Variants in ZMAT4 observed in about 807,000 individuals in gnomAD.
The protein encoded by ZMAT4 is zinc finger matrin-type protein 4.
Under a neutral mutation model 28.7 loss-of-function variants are expected in ZMAT4, and 17 were observed. The observed-to-expected ratio is 0.59, with a 90% CI of 0.41 to 0.89. ZMAT4 has a LOEUF of 0.89. Ranked by LOEUF, ZMAT4 falls within the 40% of genes least tolerant of loss-of-function variation. The pLI is 0.00. For missense variants in ZMAT4, 240 were observed against 283.8 expected (o/e 0.85, Z 1.11); for synonymous variants, 117 against 109.2 (o/e 1.07, Z -0.44).
chr8:40,588,782 T>C (rs570108595), intron 5 of ZMAT4, among the ~76,000 whole-genome samples: 1 of 152,264 alleles, frequency 6.6e-6, no homozygotes, highest in African/African-American at 2.4e-5. Context: ...ATTCTACTCC[T>C]AGATATTTAC....
intron 1 of ZMAT4, among the ~76,000 whole-genome samples, chr8:40,886,909 C>T (rs1023413412): frequency 4.3e-4 from 65 of 152,290 alleles, no homozygotes; most frequent in African/African-American, 1.2e-3. Context: ...CAGTGGCTCA[C>T]GCCTATAATC....
chr8:40,824,507 C>A, intron 2 of ZMAT4, among the ~76,000 whole-genome samples: 1 of 152,012 alleles, frequency 6.6e-6, no homozygotes, highest in African/African-American at 2.4e-5. Flanking sequence ...CATGTTCCTA[C>A]TAGTATATGT....
chr8:40,607,612 C>T (rs1470340303), intron 5 of ZMAT4, among the ~76,000 whole-genome samples: 1 of 152,044 alleles, frequency 6.6e-6, no homozygotes, highest in Admixed American at 6.5e-5. Context: ...CTTGTTTAGT[C>T]ATATTACCAG....
At chr8:40,624,990 T>C (rs1806318990) in intron 5 of ZMAT4, among the ~76,000 whole-genome samples, 1 of 152,084 alleles carries the variant, frequency 6.6e-6, no homozygotes, top group Non-Finnish European at 1.5e-5. Flanking sequence ...GGAATTAAGG[T>C]GATGTGGTAA....
At chr8:40,869,413 T>C (rs922696320) in intron 1 of ZMAT4, among the ~76,000 whole-genome samples, 2 of 152,228 alleles carry the variant, frequency 1.3e-5, no homozygotes, top group East Asian at 1.9e-4. Context: ...AACATAATGC[T>C]GGGCTTTGGT....
intron 5 of ZMAT4, among the ~76,000 whole-genome samples, chr8:40,629,480 T>C (rs1340994803): frequency 2.0e-5 from 3 of 151,794 alleles, no homozygotes; most frequent in Non-Finnish European, 4.4e-5. Flanking sequence ...TATGTATACA[T>C]GTGCCATGTT....
At chr8:40,657,404 C>T (rs1173261487) in intron 5 of ZMAT4, among the ~76,000 whole-genome samples, 1 of 151,930 alleles carries the variant, frequency 6.6e-6, no homozygotes, top group Non-Finnish European at 1.5e-5. Flanking sequence ...TTAAAAATGT[C>T]ATTATTACAC....
At chr8:40,611,300 T>C (rs1468805953) in intron 5 of ZMAT4, among the ~76,000 whole-genome samples, 1 of 152,228 alleles carries the variant, frequency 6.6e-6, no homozygotes, top group East Asian at 1.9e-4. Context: ...TCATTAATTG[T>C]TTCTGCCTGG....
intron 3 of ZMAT4, among the ~76,000 whole-genome samples, chr8:40,739,736 T>C (rs1015883081): frequency 2.6e-5 from 4 of 152,276 alleles, no homozygotes; most frequent in African/African-American, 9.6e-5. Context: ...CCATCAACCC[T>C]TCGTGTAGGT....
At chr8:40,814,160 G>A (rs1227494316) in intron 2 of ZMAT4, among the ~76,000 whole-genome samples, 1 of 152,202 alleles carries the variant, frequency 6.6e-6, no homozygotes, top group Non-Finnish European at 1.5e-5. Flanking sequence ...AATCATCTTA[G>A]TATAGAAGAC....
intron 4 of ZMAT4, among the ~76,000 whole-genome samples, chr8:40,685,211 C>A (rs1300423872): frequency 6.6e-6 from 1 of 152,054 alleles, no homozygotes; most frequent in Non-Finnish European, 1.5e-5. Flanking sequence ...CTACTCTGCT[C>A]CATCATGTCA....
chr8:40,539,452 C>T (rs1802955996), intron 6 of ZMAT4, among the ~76,000 whole-genome samples: 2 of 152,186 alleles, frequency 1.3e-5, no homozygotes, highest in African/African-American at 4.8e-5. Flanking sequence ...TCTCCTCCTA[C>T]TATTCTTGTA....
chr8:40,688,627 GAA>G (rs1809526432), intron 4 of ZMAT4, among the ~76,000 whole-genome samples: 2 of 152,152 alleles, frequency 1.3e-5, no homozygotes, highest in South Asian at 4.2e-4. Flanking sequence ...AACAATAGAA[GAA>G]AATCACTTAG....
intron 4 of ZMAT4, among the ~76,000 whole-genome samples, chr8:40,687,084 G>A (rs1334644815): frequency 6.6e-6 from 1 of 152,166 alleles, no homozygotes; most frequent in African/African-American, 2.4e-5. Context: ...TTCCTTCAAA[G>A]CTATCTACGA....
intron 4 of ZMAT4, among the ~76,000 whole-genome samples, chr8:40,691,928 GT>G (rs990004677): frequency 1.3e-5 from 2 of 152,174 alleles, no homozygotes; most frequent in African/African-American, 4.8e-5. Context: ...AAAGAAAGGA[GT>G]TTTGTAAGAT....
chr8:40,668,994 C>T (rs1278771303), intron 5 of ZMAT4, among the ~76,000 whole-genome samples: 7 of 151,932 alleles, frequency 4.6e-5, no homozygotes, highest in African/African-American at 9.7e-5. Flanking sequence ...TAATTTAGCC[C>T]ATAGGTCAGG....
intron 1 of ZMAT4, among the ~76,000 whole-genome samples, chr8:40,891,707 T>C (rs1818695737): frequency 6.6e-6 from 1 of 152,080 alleles, no homozygotes; most frequent in Non-Finnish European, 1.5e-5. Flanking sequence ...AGTGCCTACC[T>C]CCGTGCTGGG....
rs554766566 is a variant in ZMAT4 at position 40,729,660 on chromosome 8, T to A, written c.193-32259A>T. Among the ~76,000 whole-genome samples, 116 of 150,714 alleles carry A rather than the reference T, an allele frequency of 7.7e-4. 1 individual carries two copies. Among genetic ancestry groups the A allele is most frequent in the African/African-American group, 2.7e-3 (113 of 41,096 alleles). The stretch of plus-strand genomic sequence containing the variant: ...ACCAGGCTGGAGTGCAGTGGCACAA[T>A]CTTGGCCCACTACAACCTCCACCTC... On this transcript the variant is annotated intron_variant, in intron 3 of 6. Transcript: ENST00000297737.
intron 6 of ZMAT4, among the ~76,000 whole-genome samples, chr8:40,564,355 G>T (rs138834197): frequency 6.6e-6 from 1 of 152,086 alleles, no homozygotes; most frequent in Non-Finnish European, 1.5e-5. Flanking sequence ...GACCCTAAAA[G>T]GCCAAGATTT....
Sources: gnomAD v4.1 joint callset for allele counts (sites outside exome capture counted in the v4.1 genomes callset) on GRCh38, gnomAD v4.1.1 for gene constraint, MANE v1.5 for transcripts, NCBI Gene and HGNC (gene_info 2026-07-23, HGNC 2026-07-21) for gene names.